PTPRD: variants seen among roughly 807,000 people sequenced by gnomAD.
PTPRD encodes protein tyrosine phosphatase receptor type D.
PTPRD carries 34 observed loss-of-function variants against 214.5 expected under a neutral mutation model. That is an observed-to-expected ratio of 0.16 (90% CI 0.12 to 0.21). The LOEUF (loss-of-function observed/expected upper bound fraction) is 0.21. Ranked by LOEUF, PTPRD falls within the 10% of genes least tolerant of loss-of-function variation. The pLI is 1.00. For synonymous variants in PTPRD, 1,128 were observed against 845.7 expected (o/e 1.33, Z -5.79); for missense variants, 2,545 against 2,398.7 (o/e 1.06, Z -1.27).
intron 12 of PTPRD, among the ~76,000 whole-genome samples, chr9:8,641,027 T>C (rs2096565465): frequency 2.0e-5 from 3 of 148,284 alleles, no homozygotes; most frequent in East Asian, 1.9e-4. Flanking sequence ...TAAAAATCTT[T>C]ATTCTCAGAG....
intron 8 of PTPRD, among the ~76,000 whole-genome samples, chr9:9,569,321 T>C (rs145688849): frequency 6.6e-6 from 1 of 151,818 alleles, no homozygotes; most frequent in South Asian, 2.1e-4. Context: ...AGCCACAAAG[T>C]AAAGCTTACT....
At chr9:10,597,518 G>A (rs1425926584) in intron 2 of PTPRD, among the ~76,000 whole-genome samples, 1 of 151,692 alleles carries the variant, frequency 6.6e-6, no homozygotes, top group African/African-American at 2.4e-5. Context: ...ATGCAGTTGG[G>A]CTTCATTTAA....
intron 7 of PTPRD, among the ~76,000 whole-genome samples, chr9:9,699,977 A>G (rs2097460826): frequency 6.6e-6 from 1 of 152,186 alleles, no homozygotes. Flanking sequence ...TGAATTCAAG[A>G]AAGTGTTGGT....
chr9:9,001,538 T>C (rs10511520), intron 11 of PTPRD, among the ~76,000 whole-genome samples: 15,844 of 152,014 alleles, frequency 0.1, 954 homozygotes, highest in Middle Eastern at 0.14. Context: ...CAGGCTTCTT[T>C]AGGTTCAATA....
intron 12 of PTPRD, among the ~76,000 whole-genome samples, chr9:8,709,092 G>C (rs1472079159): frequency 1.3e-5 from 2 of 152,108 alleles, no homozygotes; most frequent in Non-Finnish European, 2.9e-5. Context: ...TCAGAGGCTG[G>C]GTAGGGGGTT....
At chr9:9,920,851 C>G in intron 5 of PTPRD, among the ~76,000 whole-genome samples, 1 of 152,220 alleles carries the variant, frequency 6.6e-6, no homozygotes, top group Admixed American at 6.5e-5. Flanking sequence ...ACTCCGGCTT[C>G]CATCTATCAT....
intron 4 of PTPRD, among the ~76,000 whole-genome samples, chr9:9,947,804 T>C (rs1300684226): frequency 6.7e-6 from 1 of 148,676 alleles, no homozygotes; most frequent in Non-Finnish European, 1.5e-5. Flanking sequence ...AAAAAATCCA[T>C]AAAGAGATTC....
intron 3 of PTPRD, among the ~76,000 whole-genome samples, chr9:10,118,956 TA>T: frequency 6.6e-6 from 1 of 151,810 alleles, no homozygotes; most frequent in East Asian, 1.9e-4. Flanking sequence ...ATACATAGAA[TA>T]AAAACAGCAG....
At chr9:9,146,751 A>G (rs1158390408) in intron 10 of PTPRD, among the ~76,000 whole-genome samples, 1 of 152,192 alleles carries the variant, frequency 6.6e-6, no homozygotes, top group Non-Finnish European at 1.5e-5. Flanking sequence ...ATAAGGGATC[A>G]GAAATATGCT....
chr9:10,478,405 A>T (rs966147767), intron 2 of PTPRD, among the ~76,000 whole-genome samples: 1 of 152,100 alleles, frequency 6.6e-6, no homozygotes, highest in African/African-American at 2.4e-5. Flanking sequence ...TACCTGTACA[A>T]AGGAGATAAT....
intron 7 of PTPRD, among the ~76,000 whole-genome samples, chr9:9,644,945 G>C (rs1398066551): frequency 6.6e-6 from 1 of 152,188 alleles, no homozygotes; most frequent in Non-Finnish European, 1.5e-5. Flanking sequence ...TGTGTAACCT[G>C]ATTCTTCCTG....
chr9:8,524,303 C>T (rs891771837), intron 18 of PTPRD, among the ~76,000 whole-genome samples: 10 of 152,050 alleles, frequency 6.6e-5, no homozygotes, highest in African/African-American at 1.9e-4. Flanking sequence ...CTAAATGTTT[C>T]GGTAAGTCTT....
chr9:8,563,141 C>G (rs2087143561), intron 14 of PTPRD, among the ~76,000 whole-genome samples: 1 of 151,836 alleles, frequency 6.6e-6, no homozygotes, highest in Non-Finnish European at 1.5e-5. Context: ...AGAGTATACA[C>G]ATTGTAGGAT....
At position 8,893,409 on chromosome 9, in the gene PTPRD, G is replaced by C. The variant is rs562035997; in HGVS notation, c.-104+125288C>G. ...GTGTGGAAAACAAAAGGCTTGTAGA[G>C]AAACAGAAAGCGAAGTGACCAAGAA... On this transcript the variant is annotated intron_variant, in intron 11 of 45. Transcript: ENST00000381196. 2.0e-5 allele frequency among the ~76,000 whole-genome samples: 3 copies of C among 152,276 alleles called. No homozygotes were observed. In the East Asian group the frequency reaches 5.8e-4, roughly 29 times the overall value.
At chr9:9,198,313 T>C (rs2099939845) in intron 9 of PTPRD, among the ~76,000 whole-genome samples, 1 of 152,006 alleles carries the variant, frequency 6.6e-6, no homozygotes, top group African/African-American at 2.4e-5. Flanking sequence ...ACTTAGAAAA[T>C]AAGTTTGGTT....
chr9:8,378,307 G>A (rs1043284140), intron 37 of PTPRD, among the ~76,000 whole-genome samples: 4 of 152,012 alleles, frequency 2.6e-5, no homozygotes, highest in African/African-American at 9.7e-5. Flanking sequence ...GACCAGGCAT[G>A]GGCATCTCTA....
At chr9:8,514,266 A>G (rs1316343596) in intron 21 of PTPRD, among the ~76,000 whole-genome samples, 1 of 152,154 alleles carries the variant, frequency 6.6e-6, no homozygotes, top group Non-Finnish European at 1.5e-5. Context: ...TAGCATTCTA[A>G]ATACAAGGAT....
intron 5 of PTPRD, among the ~76,000 whole-genome samples, chr9:9,787,216 C>G (rs1441638331): frequency 6.6e-6 from 1 of 150,536 alleles, no homozygotes; most frequent in African/African-American, 2.4e-5. Flanking sequence ...TAAAATATTT[C>G]ATTAAAAAAA....
chr9:9,534,205 T>C (rs2076064398), intron 8 of PTPRD, among the ~76,000 whole-genome samples: 1 of 152,274 alleles, frequency 6.6e-6, no homozygotes, highest in East Asian at 1.9e-4. Context: ...CTTGTTAATG[T>C]TTCTCTATAA....
Sources: allele counts gnomAD v4.1 joint callset (sites outside exome capture counted in the v4.1 genomes callset), GRCh38; gene constraint gnomAD v4.1.1; transcripts MANE v1.5; gene names NCBI Gene and HGNC (gene_info 2026-07-23, HGNC 2026-07-21).